HNRNPK: variants seen among roughly 807,000 people sequenced by gnomAD.
HNRNPK encodes heterogeneous nuclear ribonucleoprotein K.
Under a neutral mutation model 67.0 loss-of-function variants are expected in HNRNPK, and 7 were observed. The ratio of observed to expected loss-of-function variants is 0.10; its 90% CI spans 0.06 to 0.20. The LOEUF is 0.20. HNRNPK is among the 10% of genes least tolerant of loss of function. HNRNPK has a pLI of 1.00. For missense variants in HNRNPK, 264 were observed against 606.5 expected, an observed-to-expected ratio of 0.44 and a Z score of 5.93; for synonymous variants, 213 against 193.7, an observed-to-expected ratio of 1.10 and a Z score of -0.83.
In HNRNPK at chr9:83,972,874, G is replaced by A; in HGVS notation, c.615C>T (p.Cys205=). Residue 205 remains cysteine (C), a synonymous_variant, in exon 10 of 17, where the codon TGC becomes TGT. Transcript: ENST00000376263. The part of the protein sequence containing the change: ...IGGKPDRVVE[C]IKIILDLISE... ...ATATAAGATCAAGGATGATCTTTAT[G>A]CACTCTACAACCCTATCGGGTTTTC... 2 of 1,607,178 alleles carry A rather than the reference G, an allele frequency of 1.2e-6. No homozygotes were observed. The highest frequency in any genetic ancestry group is 1.7e-6 in the Non-Finnish European group (2 of 1,176,578).
chr9:83,970,335 A>G lies in HNRNPK; in HGVS notation c.1192-4T>C, dbSNP rs780192575. On this transcript the variant is annotated splice_region_variant and splice_polypyrimidine_tract_variant and intron_variant, in intron 15 of 16. Coordinates refer to ENST00000376263, the MANE Select transcript of HNRNPK (RefSeq NM_031263.4). ...TGCCAATAATAGATCCAGCCAACTG[A>G]AAAGATTTTTTAAAAGTATGTGTTT... 2 of 1,607,294 alleles carry G rather than the reference A, an allele frequency of 1.2e-6. No individual in the cohort carries two copies. Among genetic ancestry groups the G allele is most frequent in the Non-Finnish European group, 1.7e-6 (2 of 1,176,490 alleles).
chr9:83,969,791 T>G, intron 16 of HNRNPK: 1 of 634,128 alleles, frequency 1.6e-6, no homozygotes, highest in Non-Finnish European at 3.1e-6. Context: ...TGTGATTTGT[T>G]GTCGATTTAG....
At chr9:83,974,649 G>T (rs747970743) in intron 6 of HNRNPK, 60 bp from the exon 7 acceptor site, 62 of 1,142,962 alleles carry the variant, frequency 5.4e-5, no homozygotes, top group Non-Finnish European at 7.2e-5. Flanking sequence ...AATGAGTTTT[G>T]TGTTTGTCAC....
At position 83,975,324 on chromosome 9, in the gene HNRNPK, A is replaced by C. The variant is rs1957028545; in HGVS notation, c.257+138T>G. The C allele has an allele frequency of 5.1e-6, 4 of 787,252 alleles. No individual in the cohort carries two copies. In the East Asian group the frequency reaches 8.0e-5, roughly 16 times the overall value. The allele number at this position is 787,252 out of a possible 1,614,324, so 48.8% of individuals were successfully genotyped here. A position where few individuals can be genotyped will look rare whatever the true frequency, so the allele number is the denominator to read the frequency against. On this transcript the variant is annotated intron_variant, in intron 6 of 16. Coordinates refer to ENST00000376263, the MANE Select transcript of HNRNPK (RefSeq NM_031263.4). ...TAAAAGTTCAGTGACAAAAAGACTT[A>C]ATGGGGAAAATAAGACAGAAACTTG...
intron 16 of HNRNPK, 114 bp downstream of exon 16, chr9:83,970,048 G>A: frequency 1.3e-6 from 1 of 796,182 alleles, no homozygotes; most frequent in Non-Finnish European, 2.0e-6. Context: ...TAGAAGTTAG[G>A]TCCCCAAAAG....
At chr9:83,978,725 A>C (rs1957191953) in intron 1 of HNRNPK, among the ~76,000 whole-genome samples, 1 of 152,248 alleles carries the variant, frequency 6.6e-6, no homozygotes, top group African/African-American at 2.4e-5. Flanking sequence ...GCACATTCCC[A>C]AAACCCTGAA....
At chr9:83,975,927 G>C (rs1957046274) in intron 5 of HNRNPK, 1 of 172,794 alleles carries the variant, frequency 5.8e-6, no homozygotes, top group South Asian at 1.5e-4. Flanking sequence ...CGATGTTTCA[G>C]TAGCAGGCTG....
rs542204841 is a variant in HNRNPK at position 83,970,981 on chromosome 9, T to A, written c.1093-69A>T. ...AATTACTACCGGTACTTTAAAAAAA[T>A]TCATTTAATAAAATGGAGTCTTGCT... On this transcript the variant is annotated intron_variant, in intron 13 of 16. Coordinates refer to ENST00000376263, the MANE Select transcript of HNRNPK (RefSeq NM_031263.4). 33 of 1,478,294 alleles carry A rather than the reference T, an allele frequency of 2.2e-5. No homozygotes were observed. The East Asian group carries it at 6.6e-4, about 29-fold the overall frequency. The allele number at this position is 1,478,294 out of a possible 1,614,324, so 91.6% of individuals were successfully genotyped here. A position where few individuals can be genotyped will look rare whatever the true frequency, so the allele number is the denominator to read the frequency against.
chr9:83,979,598 C>T (rs902766820), intron 1 of HNRNPK, among the ~76,000 whole-genome samples: 3 of 152,186 alleles, frequency 2.0e-5, no homozygotes, highest in South Asian at 2.1e-4. Flanking sequence ...AGAAGCACCG[C>T]ACCTCTCCTC....
chr9:83,972,460 CA>C (rs1407520496), intron 10 of HNRNPK, among the ~76,000 whole-genome samples: 29 of 152,146 alleles, frequency 1.9e-4, no homozygotes, highest in African/African-American at 5.1e-4. Flanking sequence ...CGTAAGAAAC[CA>C]CAAAGCCCTC....
intron 12 of HNRNPK, 57 bp downstream of exon 12, chr9:83,971,615 C>T: frequency 7.2e-7 from 1 of 1,388,652 alleles, no homozygotes; most frequent in Non-Finnish European, 1.0e-6. Context: ...AAAACGTGAA[C>T]TACATTGTGA....
chr9:83,972,746 A>T (rs1000770983), intron 10 of HNRNPK, 98 bp downstream of exon 10: 1 of 836,880 alleles, frequency 1.2e-6, no homozygotes, highest in African/African-American at 1.8e-5. Flanking sequence ...GAAAGGGCAA[A>T]TAAAGACTAT....
At chr9:83,971,761 C>CT in intron 11 of HNRNPK, 35 bp from the exon 12 acceptor site, 1 of 1,602,922 alleles carries the variant, frequency 6.2e-7, no homozygotes, top group Non-Finnish European at 8.5e-7. Flanking sequence ...TCTAAACGTG[C>CT]TTACATGCCA....
At chr9:83,971,602 A>G in intron 12 of HNRNPK, 70 bp downstream of exon 12, 1 of 1,305,300 alleles carries the variant, frequency 7.7e-7, no homozygotes, top group Non-Finnish European at 1.1e-6. Flanking sequence ...TATAACCTTC[A>G]ACAAAACGTG....
intron 16 of HNRNPK, 120 bp downstream of exon 16, chr9:83,970,042 A>G (rs1956756329): frequency 1.3e-6 from 1 of 758,310 alleles, no homozygotes; most frequent in Admixed American, 2.5e-5. Flanking sequence ...AATGTTTAGA[A>G]GTTAGGTCCC....
Position 83,969,441 on chromosome 9 carries a change from C to G in HNRNPK, c.1362-1G>C. ...TTCAACATCTGCATACTGCTTCACACTATAAAAGAAAAGAAAAAAAAGTGC... is the reference window on the plus strand; with the variant it reads ...TTCAACATCTGCATACTGCTTCACAGTATAAAAGAAAAGAAAAAAAAGTGC... On this transcript the variant is annotated splice_acceptor_variant, in intron 16 of 16. Transcript: ENST00000376263. LOFTEE classifies it high-confidence loss of function. 6.4e-7 allele frequency: 1 copy of G among 1,572,670 alleles called. No individual in the cohort carries two copies. Among genetic ancestry groups the G allele is most frequent in the Non-Finnish European group, 8.7e-7 (1 of 1,155,394 alleles).
At chr9:83,972,394 A>G in intron 10 of HNRNPK, 2 of 558,422 alleles carry the variant, frequency 3.6e-6, no homozygotes, top group Non-Finnish European at 6.3e-6. Context: ...TGCTAAACAA[A>G]AGTGAGTTCT....
intron 16 of HNRNPK, 195 bp from the exon 17 acceptor site, chr9:83,969,635 TTAG>T (rs1458222189): frequency 9.7e-6 from 6 of 619,560 alleles, no homozygotes; most frequent in Middle Eastern, 2.5e-4. Flanking sequence ...AAATCGGACA[TTAG>T]TAGAACAGAA....
intron 4 of HNRNPK, 102 bp from the exon 5 acceptor site, chr9:83,977,153 A>T (rs181823319): frequency 4.5e-4 from 357 of 797,590 alleles, no homozygotes; most frequent in Non-Finnish European, 6.8e-4. Flanking sequence ...CCTGTTTGTT[A>T]TAAGAATAAA....
Sources: gnomAD v4.1 joint callset for allele counts (sites outside exome capture counted in the v4.1 genomes callset) on GRCh38, gnomAD v4.1.1 for gene constraint, MANE v1.5 for transcripts, NCBI Gene and HGNC (gene_info 2026-07-23, HGNC 2026-07-21) for gene names.